POLR2C: variants seen among roughly 807,000 people sequenced by gnomAD.
POLR2C encodes the protein RNA polymerase II subunit C.
In POLR2C, 36 loss-of-function variants were observed where a neutral mutation model predicts 41.7. The observed-to-expected ratio is 0.86, with a 90% CI of 0.66 to 1.14. The LOEUF (loss-of-function observed/expected upper bound fraction) is 1.14, where lower values mean the gene tolerates loss of function less well. POLR2C is among the 50% of genes most tolerant of loss of function. POLR2C has a pLI of 0.00. For missense variants in POLR2C, 260 were observed against 350.4 expected, an observed-to-expected ratio of 0.74 and a Z score of 2.06; for synonymous variants, 133 against 137.8, an observed-to-expected ratio of 0.96 and a Z score of 0.25.
intron 2 of POLR2C, 90 bp from the exon 3 acceptor site, chr16:57,465,863 C>T: frequency 1.2e-6 from 1 of 834,990 alleles, no homozygotes; most frequent in Non-Finnish European, 2.1e-6. Context: ...AGTTTAGTGT[C>T]AGGTGATTCC....
In POLR2C at chr16:57,462,987, AGGCTGCAGCGCCTTCACGCCCCTT is replaced by A; in HGVS notation, c.87-37_87-14del. The A allele has an allele frequency of 1.3e-6, 2 of 1,580,158 alleles. No homozygotes were observed. Among genetic ancestry groups the A allele is most frequent in the East Asian group, 4.5e-5 (2 of 44,706 alleles). Reference sequence around the variant, plus strand: ...CCTGCGGCGCGGGCCCAGCCTGTCGAGGCTGCAGCGCCTTCACGCCCCTTGGCTTTTGATCTTTCAGGGTGGCCA... The same window carrying A: ...CCTGCGGCGCGGGCCCAGCCTGTCGAGGCTTTTGATCTTTCAGGGTGGCCA... On this transcript the variant is annotated intron_variant, in intron 1 of 8. Coordinates refer to ENST00000219252, the MANE Select transcript of POLR2C (RefSeq NM_032940.3).
Position 57,469,643 on chromosome 16 carries a change from A to C in POLR2C, c.388-67A>C. 1 of 1,302,000 alleles carries C rather than the reference A, an allele frequency of 7.7e-7. No individual in the cohort carries two copies. The highest frequency in any genetic ancestry group is 1.1e-6 in the Non-Finnish European group (1 of 897,152). The allele number at this position is 1,302,000 out of a possible 1,614,324, so 80.7% of individuals were successfully genotyped here. A position where few individuals can be genotyped will look rare whatever the true frequency, so the allele number is the denominator to read the frequency against. On this transcript the variant is annotated intron_variant, in intron 5 of 8. Coordinates refer to ENST00000219252, the MANE Select transcript of POLR2C (RefSeq NM_032940.3). The surrounding 1 kb of genome is among the most constrained non-coding windows in gnomAD (Gnocchi z 5.8). ...CAGATTGCAGTCTAGAGGTGCTGGG[A>C]TATGGATGCCAGAGGAGGTGACTGG...
Position 57,466,189 on chromosome 16 carries a change from A to G in POLR2C, c.220A>G (p.Ile74Val). ...IAHRLGLIPL[I>V]SDDIVDKLQY... ...GTTTTTTACAGGATTAATTCCCCTC[A>G]TTAGTGATGACATTGTGGACAAGCT... is the stretch of plus-strand genomic sequence containing the variant. The change falls in exon 4 of 9, where the codon ATT becomes GTT. Residue 74 changes from isoleucine (I) to valine (V), a missense_variant. Coordinates refer to ENST00000219252, the MANE Select transcript of POLR2C (RefSeq NM_032940.3). The G allele has an allele frequency of 6.2e-7, 1 of 1,601,660 alleles. No individual in the cohort carries two copies. The highest frequency in any genetic ancestry group is 8.5e-7 in the Non-Finnish European group (1 of 1,173,806).
Position 57,469,476 on chromosome 16 carries a change from C to A in POLR2C, c.387+183C>A. On this transcript the variant is annotated intron_variant, in intron 5 of 8. Coordinates refer to ENST00000219252, the MANE Select transcript of POLR2C (RefSeq NM_032940.3). The surrounding 1 kb of genome is among the most constrained non-coding windows in gnomAD (Gnocchi z 5.8). ...TTGGGCATCGTTAGCATCGTTGGTG[C>A]TGCGCACCCTCTATCACCCAGGGAC... 1 of 749,322 alleles carries A rather than the reference C, an allele frequency of 1.3e-6. No individual in the cohort carries two copies. The highest frequency in any genetic ancestry group is 2.3e-6 in the Non-Finnish European group (1 of 436,808). 46.4% of individuals were successfully genotyped at this position (749,322 alleles called of 1,614,324 possible).
In POLR2C at chr16:57,470,335, C is replaced by A; in HGVS notation, c.664C>A (p.Pro222Thr). The part of the protein sequence containing the change: ...DEDESQAPYD[P>T]NGKPERFYYN... ...GGATGAGTCGCAGGCTCCCTATGAC[C>A]CCAACGGCAAGCCAGAAAGGTAAGA... The change falls in exon 8 of 9, where the codon CCC becomes ACC. Residue 222 changes from proline (P) to threonine (T), a missense_variant. Transcript: ENST00000219252. The A allele has an allele frequency of 6.2e-7, 1 of 1,609,912 alleles. No homozygotes were observed. The highest frequency in any genetic ancestry group is 1.1e-5 in the South Asian group (1 of 90,272).
At chr16:57,466,124 T>G in intron 3 of POLR2C, 51 bp from the exon 4 acceptor site, 1 of 1,512,452 alleles carries the variant, frequency 6.6e-7, no homozygotes, top group Non-Finnish European at 9.2e-7. Flanking sequence ...TGGGTTCTCA[T>G]TTTGGCTTGG....
In POLR2C at chr16:57,469,365, C is replaced by A; in HGVS notation, c.387+72C>A. 6.6e-7 allele frequency: 1 copy of A among 1,515,570 alleles called. No homozygotes were observed. Among genetic ancestry groups the A allele is most frequent in the Non-Finnish European group, 9.2e-7 (1 of 1,091,112 alleles). The allele number at this position is 1,515,570 out of a possible 1,614,324, so 93.9% of individuals were successfully genotyped here. On this transcript the variant is annotated intron_variant, in intron 5 of 8. Coordinates refer to ENST00000219252, the MANE Select transcript of POLR2C (RefSeq NM_032940.3). The surrounding 1 kb of genome is among the most constrained non-coding windows in gnomAD (Gnocchi z 5.8). Reference sequence around the variant, plus strand: ...TCTGGCTGGCTCCAAGTGGGCCAGACTGGGGTTGATCCTTAGAAAATGTTG... The same window carrying A: ...TCTGGCTGGCTCCAAGTGGGCCAGAATGGGGTTGATCCTTAGAAAATGTTG...
In POLR2C at chr16:57,462,793, C is replaced by G. The variant is rs1300842081; in HGVS notation, c.69C>G (p.Ile23Met). The G allele has an allele frequency of 2.5e-6, 4 of 1,607,944 alleles. No homozygotes were observed. Among genetic ancestry groups the G allele is most frequent in the Non-Finnish European group, 3.4e-6 (4 of 1,176,996 alleles). Residue 23 changes from isoleucine (I) to methionine (M), a missense_variant, in exon 1 of 9, where the codon ATC becomes ATG. By Grantham distance (10) the Ile-to-Met change is conservative. Transcript: ENST00000219252. ...ELTDENVKFI[I>M]ENTDLAVANS... ...CTGACGAGAATGTCAAGTTCATCAT[C>G]GAGAACACCGACCTGGCGTAAGGCT...
chr16:57,471,104 G>A lies in POLR2C; in HGVS notation c.813G>A (p.Val271=). Residue 271 remains valine, a synonymous_variant, in exon 9 of 9, where the codon GTG becomes GTA. Coordinates refer to ENST00000219252, the MANE Select transcript of POLR2C (RefSeq NM_032940.3). ...TAAGCCACGAGATCCAGAGTGATGT[G>A]CTAACCATAAATTAACTGCAGCTTG... ...TQLSHEIQSD[V]LTIN is the part of the protein sequence containing the mutation. The A allele has an allele frequency of 6.2e-7, 1 of 1,614,024 alleles. No homozygotes were observed. Among genetic ancestry groups the A allele is most frequent in the Non-Finnish European group, 8.5e-7 (1 of 1,179,910 alleles).
In POLR2C at chr16:57,462,788, A is replaced by G. The variant is rs1465783936; in HGVS notation, c.64A>G (p.Ile22Val). 6.2e-7 allele frequency: 1 copy of G among 1,608,942 alleles called. No homozygotes were observed. The highest frequency in any genetic ancestry group is 1.3e-5 in the African/African-American group (1 of 74,862). The change falls in exon 1 of 9, where the codon ATC (isoleucine) becomes GTC (valine). Residue 22 changes from isoleucine (I) to valine (V), a missense_variant. Physicochemically the swap from Ile to Val is conservative, Grantham distance 29. Transcript: ENST00000219252. ...GCTCACTGACGAGAATGTCAAGTTC[A>G]TCATCGAGAACACCGACCTGGCGTA... ...TELTDENVKF[I>V]IENTDLAVAN... is the part of the protein sequence containing the mutation.
chr16:57,466,988 C>A (rs2030723182), intron 4 of POLR2C, among the ~76,000 whole-genome samples: 1 of 152,190 alleles, frequency 6.6e-6, no homozygotes, highest in Admixed American at 6.5e-5. Context: ...AATCCCAGCA[C>A]TTTGGGAGGC....
rs1344040360 is a variant in POLR2C, at chr16:57,462,775, G to A, written c.51G>A (p.Glu17=). 3 of 1,609,512 alleles carry A rather than the reference G, an allele frequency of 1.9e-6. No individual in the cohort carries two copies. Among genetic ancestry groups the A allele is most frequent in the South Asian group, 1.1e-5 (1 of 90,174 alleles). ...TGCGGATCACGGAGCTCACTGACGA[G>A]AATGTCAAGTTCATCATCGAGAACA... ...PTVRITELTD[E]NVKFIIENTD... The change falls in exon 1 of 9, where the codon GAG becomes GAA. Residue 17 remains glutamate (E), a synonymous_variant. Coordinates refer to ENST00000219252, the MANE Select transcript of POLR2C (RefSeq NM_032940.3).
intron 1 of POLR2C, 70 bp from the exon 2 acceptor site, chr16:57,462,959 G>C (rs1598042118): frequency 7.4e-7 from 1 of 1,343,732 alleles, no homozygotes; most frequent in Non-Finnish European, 1.0e-6. Context: ...TTAGCTTTGG[G>C]AGCCTGCGGC....
Position 57,469,235 on chromosome 16 carries a change from A to T in POLR2C, c.329A>T (p.Asp110Val). 6.2e-7 allele frequency: 1 copy of T among 1,614,100 alleles called. No individual in the cohort carries two copies. The highest frequency in any genetic ancestry group is 8.5e-7 in the Non-Finnish European group (1 of 1,180,012). Reference sequence around the variant, plus strand: ...ACCCTCGATGTGCGGTGCAATGAAGACCAGACGCGACATGTCACGTCTCGA... The same window carrying T: ...ACCCTCGATGTGCGGTGCAATGAAGTCCAGACGCGACATGTCACGTCTCGA... Reference protein sequence around the residue: ...EFTLDVRCNEDQTRHVTSRDL... With the variant: ...EFTLDVRCNEVQTRHVTSRDL... The change falls in exon 5 of 9, where the codon GAC becomes GTC. Residue 110 changes from aspartate to valine, a missense_variant. Coordinates refer to ENST00000219252, the MANE Select transcript of POLR2C (RefSeq NM_032940.3). This position sits in a 1 kb window ranked among gnomAD's most constrained non-coding sequence, Gnocchi z 5.8.
Position 57,470,361 on chromosome 16 carries a change from G to GT in POLR2C, c.683+7_683+8insT, listed in dbSNP as rs2030802277. On this transcript the variant is annotated splice_region_variant and intron_variant, in intron 8 of 8. Coordinates refer to ENST00000219252, the MANE Select transcript of POLR2C (RefSeq NM_032940.3). ...CCAACGGCAAGCCAGAAAGGTAAGA[G>GT]CCTGGTTGGACATGGGAAGGTGAAG... 1 of 1,594,748 alleles carries GT rather than the reference G, an allele frequency of 6.3e-7. No homozygotes were observed. Among genetic ancestry groups the GT allele is most frequent in the African/African-American group, 1.4e-5 (1 of 72,668 alleles).
chr16:57,467,249 C>G (rs2030731809), intron 4 of POLR2C, among the ~76,000 whole-genome samples: 1 of 152,222 alleles, frequency 6.6e-6, no homozygotes, highest in African/African-American at 2.4e-5. Context: ...AAGAAATATT[C>G]AAGCACAGAA....
intron 2 of POLR2C, chr16:57,465,718 G>C (rs2030689745): frequency 2.0e-6 from 1 of 509,298 alleles, no homozygotes; most frequent in Admixed American, 3.7e-5. Flanking sequence ...ATAAGTCAGT[G>C]TTTTCTGTGA....
Position 57,470,340 on chromosome 16 carries a change from C to A in POLR2C, c.669C>A (p.Asn223Lys). 1 of 1,608,714 alleles carries A rather than the reference C, an allele frequency of 6.2e-7. No individual in the cohort carries two copies. The highest frequency in any genetic ancestry group is 8.5e-7 in the Non-Finnish European group (1 of 1,177,250). The part of the protein sequence containing the change: ...EDESQAPYDP[N>K]GKPERFYYNV... ...AGTCGCAGGCTCCCTATGACCCCAA[C>A]GGCAAGCCAGAAAGGTAAGAGCCTG... The change falls in exon 8 of 9, where the codon AAC (asparagine) becomes AAA (lysine). Residue 223 changes from asparagine to lysine, a missense_variant. Asn to Lys is a moderately conservative substitution (Grantham distance 94). Coordinates refer to ENST00000219252, the MANE Select transcript of POLR2C (RefSeq NM_032940.3).
At position 57,462,772 on chromosome 16, in the gene POLR2C, CG is replaced by C; in HGVS notation, c.49del (p.Glu17ArgfsTer28). 6.2e-7 allele frequency: 1 copy of C among 1,609,394 alleles called. No individual in the cohort carries two copies. The highest frequency in any genetic ancestry group is 2.2e-5 in the East Asian group (1 of 44,770). Reference sequence around the variant, plus strand: ...CCGTGCGGATCACGGAGCTCACTGACGAGAATGTCAAGTTCATCATCGAGAA... The same window carrying C: ...CCGTGCGGATCACGGAGCTCACTGACAGAATGTCAAGTTCATCATCGAGAA... ...PTVRITELTD[E>X]NVKFIIENTD... On this transcript the variant is annotated frameshift_variant, in exon 1 of 9. Transcript: ENST00000219252. LOFTEE classifies it high-confidence loss of function.
Sources: allele counts gnomAD v4.1 joint callset (sites outside exome capture counted in the v4.1 genomes callset), GRCh38; gene constraint gnomAD v4.1.1; non-coding constraint Gnocchi (gnomAD v3.1); transcripts MANE v1.5; gene names NCBI Gene and HGNC (gene_info 2026-07-23, HGNC 2026-07-21).